RBFOX1: variants seen among roughly 807,000 people sequenced by gnomAD.
The protein encoded by RBFOX1 is RNA binding protein fox-1 homolog 1.
A neutral mutation model predicts 57.7 loss-of-function variants in RBFOX1; 8 were observed. The ratio of observed to expected loss-of-function variants is 0.14; its 90% CI spans 0.08 to 0.25. The LOEUF (loss-of-function observed/expected upper bound fraction) is 0.25, where lower values mean the gene tolerates loss of function less well. RBFOX1 is among the 10% of genes least tolerant of loss of function. The pLI is 1.00. For synonymous variants in RBFOX1, 326 were observed against 222.4 expected (o/e 1.47, Z -4.15); for missense variants, 611 against 548.5 (o/e 1.11, Z -1.14).
intron 4 of RBFOX1, among the ~76,000 whole-genome samples, chr16:7,304,637 C>G (rs559834899): frequency 1.3e-5 from 2 of 152,278 alleles, no homozygotes; most frequent in East Asian, 1.9e-4. Flanking sequence ...GCCTCCTGCT[C>G]TCTGTGGAGC....
intron 4 of RBFOX1, among the ~76,000 whole-genome samples, chr16:7,137,074 C>A (rs1365776984): frequency 1.3e-5 from 2 of 152,148 alleles, no homozygotes; most frequent in African/African-American, 4.8e-5. Context: ...TATTTCTATT[C>A]TATAAAGGAG....
chr16:7,185,868 A>G (rs984303456), intron 4 of RBFOX1, among the ~76,000 whole-genome samples: 1 of 152,164 alleles, frequency 6.6e-6, no homozygotes, highest in Admixed American at 6.5e-5. Flanking sequence ...TTTTATCCCT[A>G]GATAACAACA....
chr16:5,286,939 C>T (rs1054011899), intron 1 of RBFOX1, among the ~76,000 whole-genome samples: 7 of 152,170 alleles, frequency 4.6e-5, no homozygotes, highest in Non-Finnish European at 1.0e-4. Context: ...ACAATTTATT[C>T]CCTGGGGCTG....
intron 2 of RBFOX1, among the ~76,000 whole-genome samples, chr16:6,423,811 G>A (rs1418617370): frequency 2.0e-5 from 3 of 152,062 alleles, no homozygotes. Context: ...TGGTCCAGAG[G>A]GAATCAGAAC....
intron 14 of RBFOX1, among the ~76,000 whole-genome samples, chr16:7,705,302 C>A (rs1000285152): frequency 6.6e-6 from 1 of 152,030 alleles, no homozygotes; most frequent in Admixed American, 6.6e-5. Context: ...GTCAGGAGAT[C>A]AAAACCATCG....
At chr16:7,218,885 G>A (rs1024704394) in intron 4 of RBFOX1, among the ~76,000 whole-genome samples, 2 of 151,986 alleles carry the variant, frequency 1.3e-5, no homozygotes, top group African/African-American at 2.4e-5. Flanking sequence ...TCGATGCATC[G>A]CATGCAGTTA....
chr16:6,942,032 C>T (rs978843606), intron 3 of RBFOX1, among the ~76,000 whole-genome samples: 1 of 152,056 alleles, frequency 6.6e-6, no homozygotes, highest in Non-Finnish European at 1.5e-5. Flanking sequence ...AGTTTGAGAG[C>T]AGCCTGGCCA....
chr16:6,204,597 G>A (rs1331945167), intron 1 of RBFOX1, among the ~76,000 whole-genome samples: 1 of 152,274 alleles, frequency 6.6e-6, no homozygotes, highest in Non-Finnish European at 1.5e-5. Context: ...ATGATGGTCA[G>A]GGAAGAAAGC....
chr16:7,156,310 A>G (rs1394647752), intron 4 of RBFOX1, among the ~76,000 whole-genome samples: 5 of 147,232 alleles, frequency 3.4e-5, no homozygotes, highest in Admixed American at 6.7e-5. Flanking sequence ...AGTGTATTAT[A>G]CATATATAGA....
At chr16:5,759,793 A>AT (rs35699391) in intron 3 of RBFOX1, among the ~76,000 whole-genome samples, 23,096 of 151,366 alleles carry the variant, frequency 0.15, 2,112 homozygotes, top group African/African-American at 0.24. Context: ...CCTCTCTGGG[A>AT]TTTTTTTTTC....
intron 1 of RBFOX1, among the ~76,000 whole-genome samples, chr16:6,212,342 A>T (rs1364805612): frequency 6.6e-6 from 1 of 151,548 alleles, no homozygotes; most frequent in South Asian, 2.1e-4. Flanking sequence ...TAAAATATGC[A>T]ATACATATGC....
intron 3 of RBFOX1, among the ~76,000 whole-genome samples, chr16:6,908,069 A>ACCCCATTTC (rs2070536447): frequency 6.6e-6 from 1 of 151,640 alleles, no homozygotes; most frequent in East Asian, 1.9e-4. Flanking sequence ...TTCTGCAGAG[A>ACCCCATTTC]CCCCATTTCC....
intron 3 of RBFOX1, among the ~76,000 whole-genome samples, chr16:6,717,957 A>C (rs1460792556): frequency 6.6e-6 from 1 of 152,186 alleles, no homozygotes; most frequent in African/African-American, 2.4e-5. Context: ...GCTTCACAAA[A>C]TAAATTCTGT....
chr16:5,704,949 C>T (rs949833141), intron 3 of RBFOX1, among the ~76,000 whole-genome samples: 4 of 152,122 alleles, frequency 2.6e-5, no homozygotes, highest in African/African-American at 2.4e-5. Flanking sequence ...GGGAATGAGG[C>T]AGTGGGAAAA....
intron 3 of RBFOX1, among the ~76,000 whole-genome samples, chr16:5,803,296 C>G (rs1489265262): frequency 6.6e-6 from 1 of 152,112 alleles, no homozygotes; most frequent in Non-Finnish European, 1.5e-5. Context: ...TCTAAGAGTT[C>G]CTTTGTACTA....
intron 1 of RBFOX1, among the ~76,000 whole-genome samples, chr16:6,132,718 T>C (rs2096638187): frequency 6.6e-6 from 1 of 152,024 alleles, no homozygotes; most frequent in Non-Finnish European, 1.5e-5. Context: ...TCTTCAACTA[T>C]GTAAAAATAA....
intron 3 of RBFOX1, among the ~76,000 whole-genome samples, chr16:6,819,939 G>A (rs937900223): frequency 3.3e-5 from 5 of 152,064 alleles, no homozygotes; most frequent in Non-Finnish European, 7.4e-5. Flanking sequence ...CAGAGGTGAT[G>A]TCATCTGGTA....
intron 4 of RBFOX1, among the ~76,000 whole-genome samples, chr16:7,512,213 A>T (rs768914629): frequency 1.1e-4 from 16 of 152,172 alleles, no homozygotes; most frequent in Non-Finnish European, 2.2e-4. Context: ...ACTGTCCCCT[A>T]CATGAAGTTG....
At chr16:6,605,169 C>T (rs886979155) in intron 2 of RBFOX1, among the ~76,000 whole-genome samples, 1 of 152,046 alleles carries the variant, frequency 6.6e-6, no homozygotes, top group Admixed American at 6.6e-5. Flanking sequence ...AGCCCAGGAG[C>T]TCAAGGCTAC....
Sources: allele counts gnomAD v4.1 joint callset (sites outside exome capture counted in the v4.1 genomes callset), GRCh38; gene constraint gnomAD v4.1.1; transcripts MANE v1.5; gene names NCBI Gene and HGNC (gene_info 2026-07-23, HGNC 2026-07-21).